TRPM6: variants seen among roughly 807,000 people sequenced by gnomAD.
The protein encoded by TRPM6 is channel kinase 2.
Under a neutral mutation model 247.6 loss-of-function variants are expected in TRPM6, and 111 were observed. The ratio of observed to expected loss-of-function variants is 0.45; its 90% CI spans 0.38 to 0.52. The LOEUF is 0.52. Among genes scored for constraint, TRPM6 ranks in the 20% least tolerant of loss-of-function variants. The pLI is 0.00. For synonymous variants in TRPM6, 892 were observed against 853.8 expected (o/e 1.04, Z -0.78); for missense variants, 2,126 against 2,421.5 (o/e 0.88, Z 2.56).
At chr9:74,858,217 T>C (rs1279445158) in intron 2 of TRPM6, among the ~76,000 whole-genome samples, 2 of 152,214 alleles carry the variant, frequency 1.3e-5, no homozygotes, top group African/African-American at 4.8e-5. Flanking sequence ...TGAAACCCTG[T>C]CTCTACTAAA....
At chr9:74,845,611 G>A (rs973863395) in intron 3 of TRPM6, among the ~76,000 whole-genome samples, 2 of 152,096 alleles carry the variant, frequency 1.3e-5, no homozygotes, top group African/African-American at 4.8e-5. Flanking sequence ...TGGGAGAATC[G>A]CTTGAGGCCA....
At chr9:74,850,362 ACT>A (rs2118279318) in intron 3 of TRPM6, among the ~76,000 whole-genome samples, 1 of 151,502 alleles carries the variant, frequency 6.6e-6, no homozygotes, top group East Asian at 1.9e-4. Context: ...ACAGAGGGAG[ACT>A]CTGTCTCAAA....
chr9:74,785,586 A>C (rs1236640593), intron 21 of TRPM6, among the ~76,000 whole-genome samples: 1 of 152,048 alleles, frequency 6.6e-6, no homozygotes, highest in African/African-American at 2.4e-5. Flanking sequence ...GCAGTGGCGC[A>C]ATCTCGGCTC....
intron 36 of TRPM6, chr9:74,737,254 T>A: frequency 1.9e-6 from 1 of 515,278 alleles, no homozygotes; most frequent in Non-Finnish European, 3.1e-6. Flanking sequence ...CAGAAGCACC[T>A]ATATGTCATT....
chr9:74,843,342 T>C (rs1830005480), intron 3 of TRPM6, among the ~76,000 whole-genome samples: 3 of 152,242 alleles, frequency 2.0e-5, no homozygotes, highest in East Asian at 1.9e-4. Flanking sequence ...TCAGCATCTC[T>C]AAAACTCTCA....
At position 74,786,004 on chromosome 9, in the gene TRPM6, C is replaced by T. The variant is rs756745699; in HGVS notation, c.2789G>A (p.Gly930Asp). ...TCCCGCTGTGTGAAAAGGAGGGTCA[C>T]CCCATCGAAGGACGAAGCCAGCTGA... Reference protein sequence around the residue: ...LFSAGFVLRWGDPPFHTAGRL... With the variant: ...LFSAGFVLRWDDPPFHTAGRL... The change falls in exon 21 of 39, where the codon GGT (glycine) becomes GAT (aspartate). Residue 930 changes from glycine to aspartate, a missense_variant. Around this residue, in one of 3 missense-constraint regions of TRPM6, gnomAD observed 1,082 missense variants for 1,307.9 expected, o/e 0.83. Coordinates refer to ENST00000360774, the MANE Select transcript of TRPM6 (RefSeq NM_017662.5). 2 of 1,614,062 alleles carry T rather than the reference C, an allele frequency of 1.2e-6. No individual in the cohort carries two copies. The highest frequency in any genetic ancestry group is 2.2e-5 in the East Asian group (1 of 44,894).
In TRPM6 at chr9:74,827,779, G is replaced by C. The variant is rs951198230; in HGVS notation, c.840C>G (p.Cys280Trp). The change falls in exon 7 of 39, where the codon TGC becomes TGG. Residue 280 changes from cysteine (C) to tryptophan (W), a missense_variant and splice_region_variant. By Grantham distance (215) the Cys-to-Trp change is radical. Transcript: ENST00000360774. ...TGACTGAGCCCCTGTGATACTCACG[G>C]CAGTGTATTTTCTGCAGAGAGAGGT... ...EKYLSLQKIHCRSRQGVPVVG... is the reference protein window; with the variant it reads ...EKYLSLQKIHWRSRQGVPVVG... 4 of 1,613,938 alleles carry C rather than the reference G, an allele frequency of 2.5e-6. No individual in the cohort carries two copies. Among genetic ancestry groups the C allele is most frequent in the African/African-American group, 2.7e-5 (2 of 74,900 alleles).
Position 74,724,449 on chromosome 9 carries a change from A to G in TRPM6, c.*164T>C, listed in dbSNP as rs1241578758. On this transcript the variant is annotated 3_prime_UTR_variant, in exon 39 of 39. Coordinates refer to ENST00000360774, the MANE Select transcript of TRPM6 (RefSeq NM_017662.5). ...CAGAGGTCAGTGTCTAGGAGAACCC[A>G]TTGATCATATACCAATGAGGCCTTT... 9 of 970,706 alleles carry G rather than the reference A, an allele frequency of 9.3e-6. No homozygotes were observed. Among genetic ancestry groups the G allele is most frequent in the Non-Finnish European group, 1.4e-5 (9 of 627,896 alleles). The allele number at this position is 970,706 out of a possible 1,614,324, so 60.1% of individuals were successfully genotyped here. A position where few individuals can be genotyped will look rare whatever the true frequency, so the allele number is the denominator to read the frequency against.
chr9:74,830,838 C>A (rs147049538), intron 6 of TRPM6, among the ~76,000 whole-genome samples: 1 of 146,744 alleles, frequency 6.8e-6, no homozygotes, highest in Non-Finnish European at 1.5e-5. Context: ...CTCAAGCAAT[C>A]CGCCGGCCTC....
chr9:74,806,228 T>C (rs777493609), intron 14 of TRPM6, among the ~76,000 whole-genome samples: 16 of 152,040 alleles, frequency 1.1e-4, no homozygotes, highest in Non-Finnish European at 2.4e-4. Context: ...AAATTTTCCA[T>C]TAAAAAATAC....
Position 74,744,108 on chromosome 9 carries a change from G to A in TRPM6, c.5121C>T (p.His1707=). The part of the protein sequence containing the change: ...SASLKSPQEP[H]HHYSAIERNN... ...TATGCATCCTACCTGAATAATGATG[G>A]TGAGGCTCTTGAGGGCTTTTTAAGG... The change falls in exon 32 of 39, where the codon CAC becomes CAT. Residue 1707 remains histidine (H), a synonymous_variant. Transcript: ENST00000360774. 1 of 1,614,040 alleles carries A rather than the reference G, an allele frequency of 6.2e-7. No individual in the cohort carries two copies. Among genetic ancestry groups the A allele is most frequent in the Non-Finnish European group, 8.5e-7 (1 of 1,179,960 alleles).
chr9:74,845,192 C>G (rs1424689561), intron 3 of TRPM6, among the ~76,000 whole-genome samples: 1 of 152,172 alleles, frequency 6.6e-6, no homozygotes, highest in East Asian at 1.9e-4. Context: ...AAGAAATGAA[C>G]ATGTGCCACT....
intron 1 of TRPM6, among the ~76,000 whole-genome samples, chr9:74,859,843 A>G (rs1830643905): frequency 1.3e-5 from 2 of 152,136 alleles, no homozygotes; most frequent in African/African-American, 4.8e-5. Context: ...CAGAGATGAA[A>G]GGAAGGCTTT....
chr9:74,793,396 G>T (rs769268986), intron 18 of TRPM6, among the ~76,000 whole-genome samples: 18 of 152,012 alleles, frequency 1.2e-4, no homozygotes, highest in Non-Finnish European at 2.5e-4. Flanking sequence ...CGCCCAGGCT[G>T]GGGTGCAATG....
intron 36 of TRPM6, among the ~76,000 whole-genome samples, chr9:74,733,268 A>G (rs1292160106): frequency 6.6e-6 from 1 of 152,120 alleles, no homozygotes; most frequent in Admixed American, 6.5e-5. Flanking sequence ...AGATACATAA[A>G]AACTAAATAT....
intron 23 of TRPM6, 150 bp downstream of exon 23, chr9:74,782,212 A>C: frequency 1.6e-6 from 1 of 613,656 alleles, no homozygotes; most frequent in African/African-American, 1.9e-5. Flanking sequence ...CCTTCTTATC[A>C]GTAGTTTTAT....
intron 1 of TRPM6, among the ~76,000 whole-genome samples, chr9:74,862,859 T>C (rs754402605): frequency 2.0e-5 from 3 of 151,690 alleles, no homozygotes; most frequent in Non-Finnish European, 4.4e-5. Context: ...CGGGCGCCTA[T>C]AGTCCCAGTT....
intron 33 of TRPM6, among the ~76,000 whole-genome samples, chr9:74,741,343 A>G (rs916178427): frequency 1.3e-5 from 2 of 151,936 alleles, no homozygotes; most frequent in African/African-American, 2.4e-5. Flanking sequence ...AAGCATATAT[A>G]TATATATGAA....
intron 14 of TRPM6, chr9:74,804,767 G>T (rs563258261): frequency 5.9e-4 from 435 of 738,420 alleles, no homozygotes; most frequent in African/African-American, 2.1e-3. Context: ...CCACTGAATG[G>T]TCTTAAGCTG....
Sources: allele counts gnomAD v4.1 joint callset (sites outside exome capture counted in the v4.1 genomes callset), GRCh38; gene constraint gnomAD v4.1.1; regional missense constraint gnomAD v4.1.1; transcripts MANE v1.5; gene names NCBI Gene and HGNC (gene_info 2026-07-23, HGNC 2026-07-21).